Variants in KNG1 observed in about 807,000 individuals in gnomAD.
KNG1 encodes the protein kininogen 1, also known as kininogen-1.
Under a neutral mutation model 47.8 loss-of-function variants are expected in KNG1, and 23 were observed. The ratio of observed to expected loss-of-function variants is 0.48; its 90% confidence interval spans 0.35 to 0.68. KNG1 has a LOEUF of 0.68. KNG1 is among the 30% of genes least tolerant of loss of function. The pLI is 0.01. For synonymous variants in KNG1, 277 were observed against 277.0 expected (o/e 1.00, Z 0.00); for missense variants, 762 against 790.2 (o/e 0.96, Z 0.43).
intron 2 of KNG1, chr3:186,720,604 G>A (rs2651640): frequency 0.42 from 124,528 of 297,158 alleles, 27,476 homozygotes; most frequent in South Asian, 0.59. Flanking sequence ...GTGTGATAGC[G>A]GGGGAGCTGT....
intron 7 of KNG1, among the ~76,000 whole-genome samples, chr3:186,733,161 G>A (rs1221320599): frequency 2.0e-5 from 3 of 152,014 alleles, no homozygotes; most frequent in African/African-American, 4.8e-5. Flanking sequence ...CAGGAGAATC[G>A]CTTGAACCTG....
intron 1 of KNG1, among the ~76,000 whole-genome samples, chr3:186,719,498 T>C (rs137894070): frequency 0.013 from 1,951 of 152,248 alleles, 47 homozygotes; most frequent in African/African-American, 0.044. Flanking sequence ...CCCAGCACTT[T>C]GGGAGGCCAA....
intron 5 of KNG1, among the ~76,000 whole-genome samples, chr3:186,730,280 C>T (rs1288012350): frequency 1.3e-5 from 2 of 151,276 alleles, no homozygotes; most frequent in African/African-American, 4.9e-5. Flanking sequence ...CTTTTTGGTG[C>T]TGAGGTGAAA....
intron 9 of KNG1, among the ~76,000 whole-genome samples, chr3:186,740,596 T>C (rs1720784900): frequency 6.6e-6 from 1 of 152,190 alleles, no homozygotes; most frequent in Non-Finnish European, 1.5e-5. Context: ...CAGATCGACA[T>C]ATTTGAAGCA....
chr3:186,720,084 G>A, intron 1 of KNG1, 21 bp from the exon 2 acceptor site: 1 of 1,521,376 alleles, frequency 6.6e-7, no homozygotes, highest in South Asian at 1.1e-5. Context: ...TGAACCCTAA[G>A]TATCTTTGGC....
intron 4 of KNG1, 115 bp downstream of exon 4, chr3:186,725,375 G>T (rs1415998130): frequency 9.8e-7 from 1 of 1,025,566 alleles, no homozygotes; most frequent in Admixed American, 1.8e-5. Flanking sequence ...CACAGGAAGC[G>T]AAGAGCTTTC....
At chr3:186,732,381 T>G in intron 6 of KNG1, 121 bp from the exon 7 acceptor site, 1 of 875,494 alleles carries the variant, frequency 1.1e-6, no homozygotes, top group Non-Finnish European at 1.9e-6. Flanking sequence ...CCCCACTCAC[T>G]ACTGGGCCTG....
At chr3:186,741,231 T>A (rs975284400) in intron 9 of KNG1, among the ~76,000 whole-genome samples, 2 of 152,162 alleles carry the variant, frequency 1.3e-5, no homozygotes, top group Non-Finnish European at 2.9e-5. Flanking sequence ...TGACCTCAAG[T>A]GATCTGCTCG....
chr3:186,728,067 T>C (rs1447285901), intron 5 of KNG1, among the ~76,000 whole-genome samples: 1 of 152,202 alleles, frequency 6.6e-6, no homozygotes, highest in Non-Finnish European at 1.5e-5. Context: ...TTTTCTCATC[T>C]TCCCTTCCCT....
At chr3:186,732,355 CAGACAG>C in intron 6 of KNG1, 141 bp from the exon 7 acceptor site, 4 of 717,374 alleles carry the variant, frequency 5.6e-6, no homozygotes, top group Non-Finnish European at 1.0e-5. Context: ...AAGTGAAAGT[CAGACAG>C]ACAACCTTCC....
In KNG1 at chr3:186,722,502, G is replaced by A. The variant is rs976572650; in HGVS notation, c.372G>A (p.Gln124=). 2 of 1,613,818 alleles carry A rather than the reference G, an allele frequency of 1.2e-6. No homozygotes were observed. The highest frequency in any genetic ancestry group is 4.5e-5 in the East Asian group (2 of 44,878). ...GTACGAAATTCTCCGTGGCTACCCA[G>A]ACCTGCCAGATTACTCCAGGTGGCT... ...RSSTKFSVAT[Q]TCQITPAEGP... is the part of the protein sequence containing the mutation. Residue 124 remains glutamine (Q), a synonymous_variant, in exon 3 of 10, where the codon CAG becomes CAA. Transcript: ENST00000644859.
At chr3:186,724,373 A>G (rs5030012) in intron 3 of KNG1, among the ~76,000 whole-genome samples, 4,197 of 152,318 alleles carry the variant, frequency 0.028, 183 homozygotes, top group African/African-American at 0.097. Context: ...ATTGACCAGT[A>G]GGTTAGGGCT....
In KNG1 at chr3:186,717,866, CCCACCA is replaced by C. The variant is rs1240531909; in HGVS notation, c.195+140_195+145del. 8 of 288,662 alleles carry C rather than the reference CCCACCA, an allele frequency of 2.8e-5. No homozygotes were observed. In the East Asian group the frequency reaches 4.6e-4, roughly 16 times the overall value. The allele number at this position is 288,662 out of a possible 1,614,324, so 17.9% of individuals were successfully genotyped here. On this transcript the variant is annotated intron_variant, in intron 1 of 9. Transcript: ENST00000644859. Reference sequence around the variant, plus strand: ...CACCACCCACCACCCACCACCATCACCCACCACCACCACCACAACCACCACCACCAC... The same window carrying C: ...CACCACCCACCACCCACCACCATCACCCACCACCACAACCACCACCACCAC...
At chr3:186,719,501 G>A (rs961241593) in intron 1 of KNG1, among the ~76,000 whole-genome samples, 2 of 152,154 alleles carry the variant, frequency 1.3e-5, no homozygotes, top group African/African-American at 2.4e-5. Context: ...AGCACTTTGG[G>A]AGGCCAAGGC....
In KNG1 at chr3:186,743,776, G is replaced by A. The variant is rs1487020867; in HGVS notation, c.*1445G>A. 1.2e-6 allele frequency: 2 copies of A among 1,613,628 alleles called. No individual in the cohort carries two copies. The highest frequency in any genetic ancestry group is 1.7e-6 in the Non-Finnish European group (2 of 1,179,690). ...GGGCAGAGCCAGCATCTGAGAGGGAGGTCTCTTGACCAATGGGCAGAATCT... is the reference window on the plus strand; with the variant it reads ...GGGCAGAGCCAGCATCTGAGAGGGAAGTCTCTTGACCAATGGGCAGAATCT... On this transcript the variant is annotated 3_prime_UTR_variant, in exon 10 of 10. Coordinates refer to ENST00000644859, the MANE Select transcript of KNG1 (RefSeq NM_001102416.3).
chr3:186,717,572 C>T lies in KNG1; in HGVS notation c.30C>T (p.Cys10=), dbSNP rs1295434652. The change falls in exon 1 of 10, where the codon TGC becomes TGT. Residue 10 remains cysteine, a synonymous_variant. Transcript: ENST00000644859. The part of the protein sequence containing the change: MKLITILFL[C]SRLLLSLTQE... ...AACTAATTACCATCCTTTTCCTCTG[C>T]TCCAGGCTGCTACTAAGTTTAACCC... 3 of 1,611,976 alleles carry T rather than the reference C, an allele frequency of 1.9e-6. No homozygotes were observed. In the East Asian group the frequency reaches 6.7e-5, roughly 36 times the overall value.
chr3:186,743,844 T>G lies in KNG1; in HGVS notation c.*1513T>G. ...CCCCAACCACCTCTGCCAGCAACCT[T>G]GAGAGGAAGGACAAGAAGAAAGATG... On this transcript the variant is annotated 3_prime_UTR_variant, in exon 10 of 10. Coordinates refer to ENST00000644859, the MANE Select transcript of KNG1 (RefSeq NM_001102416.3). 8.6e-7 allele frequency: 1 copy of G among 1,168,792 alleles called. No individual in the cohort carries two copies. The highest frequency in any genetic ancestry group is 1.3e-6 in the Non-Finnish European group (1 of 773,818). 72.4% of individuals were successfully genotyped at this position (1,168,792 alleles called of 1,614,324 possible). A position where few individuals can be genotyped will look rare whatever the true frequency, so the allele number is the denominator to read the frequency against.
At chr3:186,736,362 T>G (rs1720669963) in intron 7 of KNG1, 1 of 152,226 alleles carries the variant, frequency 6.6e-6, no homozygotes, top group Admixed American at 6.5e-5. Flanking sequence ...AATGACCAAT[T>G]TGCCAAATTG....
chr3:186,731,341 A>C (rs1284925801), intron 5 of KNG1, among the ~76,000 whole-genome samples: 1 of 151,990 alleles, frequency 6.6e-6, no homozygotes, highest in Admixed American at 6.6e-5. Flanking sequence ...CCATGTGCTC[A>C]TGTATATGCA....
Sources: allele counts gnomAD v4.1 joint callset (sites outside exome capture counted in the v4.1 genomes callset), GRCh38; gene constraint gnomAD v4.1.1; transcripts MANE v1.5; gene names NCBI Gene and HGNC (gene_info 2026-07-23, HGNC 2026-07-21).